UIMC1: variants seen among roughly 807,000 people sequenced by gnomAD.
The protein encoded by UIMC1 is BRCA1-A complex subunit RAP80.
In UIMC1, 42 loss-of-function variants were observed where a neutral mutation model predicts 84.9. That is an observed-to-expected ratio of 0.49 (90% CI 0.39 to 0.64). The LOEUF is 0.64. UIMC1 is among the 30% of genes least tolerant of loss of function. The pLI, the probability that UIMC1 is intolerant of heterozygous loss-of-function variation, is 0.00. For synonymous variants in UIMC1, 281 were observed against 293.0 expected, an observed-to-expected ratio of 0.96 and a Z score of 0.42; for missense variants, 825 against 847.6, an observed-to-expected ratio of 0.97 and a Z score of 0.33.
rs11956233 is a variant in UIMC1 at position 176,975,100 on chromosome 5, C to T, written c.232+296G>A. ...TGCAGTTAGCTATGATCATACCATA[C>T]CCCTACACTTAAGCCTGGGTGACAG... On this transcript the variant is annotated intron_variant, in intron 3 of 14. Transcript: ENST00000511320. 3.8e-3 allele frequency among the ~76,000 whole-genome samples: 580 copies of T among 151,960 alleles called. 3 individuals carry two copies. The highest frequency in any genetic ancestry group is 0.013 in the African/African-American group (538 of 41,424).
At chr5:176,965,760 T>C (rs1390276482) in intron 6 of UIMC1, among the ~76,000 whole-genome samples, 1 of 152,238 alleles carries the variant, frequency 6.6e-6, no homozygotes, top group Non-Finnish European at 1.5e-5. Flanking sequence ...GACCATCCAC[T>C]AGATTTTGAC....
intron 6 of UIMC1, among the ~76,000 whole-genome samples, chr5:176,963,963 G>T (rs1461144180): frequency 1.3e-5 from 2 of 152,108 alleles, no homozygotes; most frequent in African/African-American, 2.4e-5. Context: ...CTCTCAAGGT[G>T]ATCTACAGGC....
chr5:176,946,005 T>C (rs1765062798), intron 9 of UIMC1, among the ~76,000 whole-genome samples: 1 of 152,194 alleles, frequency 6.6e-6, no homozygotes. Context: ...AAATGTTATG[T>C]TAAAGAATTA....
intron 1 of UIMC1, among the ~76,000 whole-genome samples, chr5:177,021,931 C>T (rs1274969312): frequency 6.6e-6 from 1 of 152,122 alleles, no homozygotes; most frequent in African/African-American, 2.4e-5. Flanking sequence ...GGATTACAGG[C>T]GTGAGCCACC....
intron 7 of UIMC1, among the ~76,000 whole-genome samples, chr5:176,957,433 C>T (rs970419344): frequency 6.6e-6 from 1 of 152,146 alleles, no homozygotes; most frequent in African/African-American, 2.4e-5. Context: ...AATTAATCAA[C>T]TGCTATCTAT....
At chr5:176,905,769 G>A (rs922464363) in intron 14 of UIMC1, 1 of 623,962 alleles carries the variant, frequency 1.6e-6, no homozygotes, top group Non-Finnish European at 2.8e-6. Flanking sequence ...GATGGGGATA[G>A]AGAGGTACAG....
At chr5:176,952,949 G>A (rs765046582) in intron 8 of UIMC1, among the ~76,000 whole-genome samples, 7 of 152,136 alleles carry the variant, frequency 4.6e-5, no homozygotes, top group Non-Finnish European at 1.0e-4. Flanking sequence ...CCCGAACTTC[G>A]TATGTTGAAA....
chr5:176,970,936 G>T, intron 3 of UIMC1, 70 bp from the exon 4 acceptor site: 8 of 1,556,034 alleles, frequency 5.1e-6, no homozygotes, highest in Non-Finnish European at 6.9e-6. Context: ...GCAAGAAAGA[G>T]AATTATTAAA....
At chr5:176,995,920 T>G (rs983261314) in intron 1 of UIMC1, among the ~76,000 whole-genome samples, 2 of 146,340 alleles carry the variant, frequency 1.4e-5, no homozygotes, top group Non-Finnish European at 3.0e-5. Flanking sequence ...TCTTAAAAAA[T>G]AAGCATGTAT....
At chr5:177,008,041 G>A (rs1461230658), upstream of UIMC1, among the ~76,000 whole-genome samples, 1 of 150,808 alleles carries the variant, frequency 6.6e-6, no homozygotes, top group African/African-American at 2.4e-5. Context: ...GGAGGCAGAG[G>A]TTGCAGTGAG....
At position 176,943,474 on chromosome 5, in the gene UIMC1, T is replaced by C. The variant is rs773633908; in HGVS notation, c.1458A>G (p.Glu486=). The change falls in exon 10 of 15, where the codon GAA becomes GAG. Residue 486 remains glutamate (E), a synonymous_variant. Transcript: ENST00000511320. ...IMADKEVGNK[E]DAEKEVAIST... ...AAATAGCTACTTCCTTCTCAGCATC[T>C]TCCTTGTTACCAACCTGAAGAACAT... 6.2e-7 allele frequency: 1 copy of C among 1,614,034 alleles called. No individual in the cohort carries two copies. The highest frequency in any genetic ancestry group is 1.1e-5 in the South Asian group (1 of 91,072).
intron 11 of UIMC1, among the ~76,000 whole-genome samples, chr5:176,910,948 G>T (rs1428998201): frequency 6.6e-6 from 1 of 152,076 alleles, no homozygotes; most frequent in African/African-American, 2.4e-5. Context: ...AATTAGCCGG[G>T]CGTGGTGGCG....
intron 1 of UIMC1, among the ~76,000 whole-genome samples, chr5:176,990,569 C>T (rs900229272): frequency 6.6e-6 from 1 of 152,014 alleles, no homozygotes; most frequent in East Asian, 1.9e-4. Context: ...TATATTAATT[C>T]GCAAGAAGTG....
intron 10 of UIMC1, among the ~76,000 whole-genome samples, chr5:176,929,198 T>G (rs562393289): frequency 8.0e-5 from 12 of 150,914 alleles, no homozygotes; most frequent in African/African-American, 2.9e-4. Context: ...GAGGTTGCAG[T>G]GAGCCAAGAT....
chr5:177,011,206 A>G (rs542758027), upstream of UIMC1, among the ~76,000 whole-genome samples: 26 of 151,690 alleles, frequency 1.7e-4, no homozygotes, highest in African/African-American at 5.6e-4. Context: ...AAAAAAAAAG[A>G]AGAAAAGAAA....
chr5:176,965,101 T>G (rs1440240132), intron 6 of UIMC1, among the ~76,000 whole-genome samples: 2 of 152,040 alleles, frequency 1.3e-5, no homozygotes, highest in African/African-American at 4.8e-5. Context: ...CCCAGTACCT[T>G]CTTTGGGCCT....
chr5:176,993,350 T>C (rs374343212), intron 1 of UIMC1, among the ~76,000 whole-genome samples: 1 of 152,146 alleles, frequency 6.6e-6, no homozygotes, highest in South Asian at 2.1e-4. Context: ...CACACCCAGC[T>C]AATTTACTTT....
In UIMC1 at chr5:176,958,155, C is replaced by G; in HGVS notation, c.1201-1G>C. The G allele has an allele frequency of 6.2e-7, 1 of 1,613,294 alleles. No homozygotes were observed. The highest frequency in any genetic ancestry group is 8.5e-7 in the Non-Finnish European group (1 of 1,179,404). On this transcript the variant is annotated splice_acceptor_variant, in intron 6 of 14. Coordinates refer to ENST00000511320, the MANE Select transcript of UIMC1 (RefSeq NM_001199298.2). LOFTEE classifies it high-confidence loss of function. ...TTTCTTCAACAATCCCTTGGGAAGACTGCAAAGAAATACGTAGTATCTTAA... is the reference window on the plus strand; with the variant it reads ...TTTCTTCAACAATCCCTTGGGAAGAGTGCAAAGAAATACGTAGTATCTTAA...
At chr5:176,949,306 G>A (rs768309075) in intron 9 of UIMC1, among the ~76,000 whole-genome samples, 6 of 152,058 alleles carry the variant, frequency 3.9e-5, no homozygotes, top group Admixed American at 2.6e-4. Flanking sequence ...ATGTGAGAAA[G>A]GCTATTATGA....
Sources: allele counts gnomAD v4.1 joint callset (sites outside exome capture counted in the v4.1 genomes callset), GRCh38; gene constraint gnomAD v4.1.1; transcripts MANE v1.5; gene names NCBI Gene and HGNC (gene_info 2026-07-23, HGNC 2026-07-21).